Variants in SLC36A1 observed in about 807,000 individuals in gnomAD.
The protein encoded by SLC36A1 is proton-coupled amino acid transporter 1.
Under a neutral mutation model 47.5 loss-of-function variants are expected in SLC36A1, and 30 were observed. That is an observed-to-expected ratio of 0.63 (90% confidence interval 0.47 to 0.86). The LOEUF is 0.86. SLC36A1 is among the 40% of genes least tolerant of loss of function. SLC36A1 has a pLI of 0.00. For missense variants in SLC36A1, 517 were observed against 606.0 expected (o/e 0.85, Z 1.54); for synonymous variants, 255 against 249.7 (o/e 1.02, Z -0.20).
At chr5:151,412,181 G>A in the SLC36A1 span, among the ~76,000 whole-genome samples, 5 of 144,852 alleles carry the variant, frequency 3.5e-5, 2 homozygotes, top group East Asian at 4.7e-4. Flanking sequence ...GTAAGACAAT[G>A]TAAGGAATGT....
At chr5:151,366,047 C>G in the SLC36A1 span, among the ~76,000 whole-genome samples, 1 of 152,184 alleles carries the variant, frequency 6.6e-6, no homozygotes, top group East Asian at 1.9e-4. Context: ...ATGAAAATCA[C>G]CAACATTTGT....
chr5:151,360,619 T>C, the SLC36A1 span, among the ~76,000 whole-genome samples: 1 of 152,240 alleles, frequency 6.6e-6, no homozygotes, highest in Non-Finnish European at 1.5e-5. Context: ...TGACTTTTTC[T>C]GCTTTTTCAT....
chr5:151,473,645 T>G (rs772596993), intron 7 of SLC36A1, 28 bp from the exon 8 acceptor site: 1 of 1,432,430 alleles, frequency 7.0e-7, no homozygotes, highest in African/African-American at 1.4e-5. Context: ...TTGCTTTGTT[T>G]TGCTTTGTTT....
the SLC36A1 span, chr5:151,540,473 C>T: frequency 9.2e-7 from 1 of 1,086,744 alleles, no homozygotes; most frequent in Admixed American, 2.5e-5. Context: ...GCCCCTCAAT[C>T]TCCCTTCTCC....
the SLC36A1 span, among the ~76,000 whole-genome samples, chr5:151,417,263 G>T: frequency 6.6e-6 from 1 of 152,186 alleles, no homozygotes; most frequent in South Asian, 2.1e-4. Flanking sequence ...AAGACAGGAA[G>T]ATGTAGGAAA....
At chr5:151,455,569 C>T (rs985310820) in intron 1 of SLC36A1, among the ~76,000 whole-genome samples, 2 of 151,984 alleles carry the variant, frequency 1.3e-5, no homozygotes, top group Non-Finnish European at 2.9e-5. Context: ...AGAGGTTTCT[C>T]GGTTGCTAGG....
chr5:151,379,454 C>T, the SLC36A1 span, among the ~76,000 whole-genome samples: 3 of 152,248 alleles, frequency 2.0e-5, no homozygotes, highest in Admixed American at 2.0e-4. Flanking sequence ...CTGCCTCAGC[C>T]TCCCAAGTAG....
chr5:151,371,198 G>C, the SLC36A1 span, among the ~76,000 whole-genome samples: 1 of 152,028 alleles, frequency 6.6e-6, no homozygotes, highest in Non-Finnish European at 1.5e-5. Context: ...AATACAAGGG[G>C]AAGATAAATA....
the SLC36A1 span, among the ~76,000 whole-genome samples, chr5:151,351,085 G>T: frequency 1.3e-5 from 2 of 152,144 alleles, no homozygotes; most frequent in Non-Finnish European, 2.9e-5. Context: ...GATTACATGA[G>T]AAAATAAACA....
At chr5:151,513,278 A>G in the SLC36A1 span, among the ~76,000 whole-genome samples, 3 of 152,264 alleles carry the variant, frequency 2.0e-5, no homozygotes, top group Admixed American at 6.5e-5. Flanking sequence ...ATAAAAATAT[A>G]TAAAGACATA....
upstream of SLC36A1, among the ~76,000 whole-genome samples, chr5:151,445,551 A>G (rs948706352): frequency 6.6e-6 from 1 of 152,170 alleles, no homozygotes; most frequent in Admixed American, 6.5e-5. Flanking sequence ...TTAGTAACAA[A>G]CCTTCTTCTT....
chr5:151,500,511 G>T, the SLC36A1 span, among the ~76,000 whole-genome samples: 1 of 152,076 alleles, frequency 6.6e-6, no homozygotes, highest in Non-Finnish European at 1.5e-5. Flanking sequence ...GGGATTACAG[G>T]CACACGCCAC....
chr5:151,391,476 T>A, the SLC36A1 span, among the ~76,000 whole-genome samples: 1 of 152,214 alleles, frequency 6.6e-6, no homozygotes, highest in South Asian at 2.1e-4. Flanking sequence ...CCCTGTCTTG[T>A]GCCAGTTTTC....
chr5:151,544,092 A>G, the SLC36A1 span: 1 of 1,614,174 alleles, frequency 6.2e-7, no homozygotes, highest in Admixed American at 1.7e-5. Flanking sequence ...CTTTCACATG[A>G]AAGTGTTGTT....
chr5:151,513,785 T>G, the SLC36A1 span, among the ~76,000 whole-genome samples: 2 of 152,342 alleles, frequency 1.3e-5, no homozygotes, highest in African/African-American at 4.8e-5. Flanking sequence ...AATTAAGGTA[T>G]TTATGTTGAC....
chr5:151,373,036 A>T, the SLC36A1 span, among the ~76,000 whole-genome samples: 1 of 152,212 alleles, frequency 6.6e-6, no homozygotes, highest in African/African-American at 2.4e-5. Context: ...ACACAGTGAG[A>T]CTCCTCCATC....
At chr5:151,464,229 G>A (rs908270905) in intron 3 of SLC36A1, among the ~76,000 whole-genome samples, 2 of 152,164 alleles carry the variant, frequency 1.3e-5, no homozygotes, top group African/African-American at 4.8e-5. Context: ...AGTCACAGGA[G>A]CCTTCTATTC....
chr5:151,423,989 A>G, the SLC36A1 span, among the ~76,000 whole-genome samples: 1 of 152,186 alleles, frequency 6.6e-6, no homozygotes, highest in African/African-American at 2.4e-5. Context: ...CAAACAAAAC[A>G]AAAACCTTGA....
the SLC36A1 span, chr5:151,540,434 T>C: frequency 3.5e-6 from 2 of 570,086 alleles, no homozygotes; most frequent in East Asian, 5.8e-5. Flanking sequence ...TCAATCTCCC[T>C]TCTCCTGCCC....
Sources: allele counts gnomAD v4.1 joint callset (sites outside exome capture counted in the v4.1 genomes callset), GRCh38; gene constraint gnomAD v4.1.1; transcripts MANE v1.5; gene names NCBI Gene and HGNC (gene_info 2026-07-23, HGNC 2026-07-21).